The following HDAC9 variants were observed in gnomAD, a reference collection of about 807,000 sequenced individuals.
The protein encoded by HDAC9 is histone deacetylase 9.
HDAC9 carries 41 observed loss-of-function variants against 139.4 expected under a neutral mutation model. The ratio of observed to expected loss-of-function variants is 0.29; its 90% confidence interval spans 0.23 to 0.38. The LOEUF is 0.38. Among genes scored for constraint, HDAC9 ranks in the 10% least tolerant of loss-of-function variants. HDAC9 has a pLI of 1.00. For missense variants in HDAC9, 1,147 were observed against 1,297.0 expected (o/e 0.88, Z 1.78); for synonymous variants, 517 against 476.2 (o/e 1.09, Z -1.12).
chr7:18,829,373 G>T (rs1204352796), intron 18 of HDAC9, 88 bp from the exon 19 acceptor site: 1 of 1,158,256 alleles, frequency 8.6e-7, no homozygotes, highest in East Asian at 2.3e-5. Context: ...AGATCATATA[G>T]CATTTAAAAA....
intron 2 of HDAC9, among the ~76,000 whole-genome samples, chr7:18,548,350 C>G (rs1358913244): frequency 2.0e-5 from 3 of 152,070 alleles, no homozygotes; most frequent in Non-Finnish European, 4.4e-5. Flanking sequence ...TGAACTATTG[C>G]AAGAATTACA....
intron 1 of HDAC9, among the ~76,000 whole-genome samples, chr7:18,107,253 A>G (rs1485886751): frequency 1.3e-5 from 2 of 152,132 alleles, no homozygotes; most frequent in East Asian, 3.9e-4. Flanking sequence ...CTGTCTCTCC[A>G]TCTAGACTGG....
chr7:18,421,954 A>G (rs1412610982), intron 1 of HDAC9, among the ~76,000 whole-genome samples: 2 of 152,140 alleles, frequency 1.3e-5, no homozygotes, highest in Admixed American at 1.3e-4. Context: ...GGGCTTGATC[A>G]TGTTTTTCTG....
intron 1 of HDAC9, among the ~76,000 whole-genome samples, chr7:18,376,897 G>T (rs1020442930): frequency 6.6e-6 from 1 of 152,036 alleles, no homozygotes; most frequent in African/African-American, 2.4e-5. Flanking sequence ...CGTAACTTAG[G>T]TGCTATACCA....
intron 12 of HDAC9, among the ~76,000 whole-genome samples, chr7:18,695,478 T>C (rs182845706): frequency 1.9e-4 from 29 of 152,172 alleles, no homozygotes; most frequent in African/African-American, 6.3e-4. Flanking sequence ...TTTGAAAGAG[T>C]AGAAGGAGTT....
chr7:18,365,490 T>C (rs1366666750), intron 1 of HDAC9, among the ~76,000 whole-genome samples: 6 of 152,150 alleles, frequency 3.9e-5, no homozygotes, highest in Admixed American at 2.6e-4. Flanking sequence ...AATAAAGAAC[T>C]ATAACATGAA....
chr7:18,138,530 GTGTGTGTGT>G (rs1186917639), intron 1 of HDAC9, among the ~76,000 whole-genome samples: 1 of 88,700 alleles, frequency 1.1e-5, no homozygotes, highest in Non-Finnish European at 1.9e-5. Flanking sequence ...AGAGAGAGGT[GTGTGTGTGT>G]GTGTGTGTGT....
intron 2 of HDAC9, among the ~76,000 whole-genome samples, chr7:18,565,392 T>C (rs1259952846): frequency 6.6e-6 from 1 of 152,226 alleles, no homozygotes; most frequent in East Asian, 1.9e-4. Context: ...AGAATTTCTG[T>C]GAGTAATTTT....
chr7:18,440,759 G>A (rs970972235), intron 1 of HDAC9, among the ~76,000 whole-genome samples: 1 of 152,092 alleles, frequency 6.6e-6, no homozygotes, highest in African/African-American at 2.4e-5. Flanking sequence ...ATTCTAAGAT[G>A]CCATAATCAC....
intron 17 of HDAC9, among the ~76,000 whole-genome samples, chr7:18,803,713 T>C (rs908359458): frequency 1.3e-5 from 2 of 152,158 alleles, no homozygotes; most frequent in African/African-American, 2.4e-5. Flanking sequence ...TGTCTTCTTT[T>C]TGGATTTGTT....
At chr7:18,146,793 C>T (rs1584320268) in intron 1 of HDAC9, among the ~76,000 whole-genome samples, 1 of 152,182 alleles carries the variant, frequency 6.6e-6, no homozygotes, top group South Asian at 2.1e-4. Context: ...GAAAAGCATT[C>T]AAATCAGAAA....
intron 12 of HDAC9, among the ~76,000 whole-genome samples, chr7:18,712,529 G>A (rs1018458199): frequency 6.6e-6 from 1 of 152,168 alleles, no homozygotes; most frequent in Non-Finnish European, 1.5e-5. Context: ...AACAAGCTTA[G>A]TTAACATCTA....
At chr7:18,438,092 T>G (rs1791386483) in intron 1 of HDAC9, among the ~76,000 whole-genome samples, 1 of 150,230 alleles carries the variant, frequency 6.7e-6, no homozygotes, top group African/African-American at 2.4e-5. Flanking sequence ...ATAATAAATT[T>G]ATTAGTTGGC....
chr7:18,185,650 C>G lies in HDAC9; in HGVS notation c.25+23301C>G, dbSNP rs1789850486. Among the ~76,000 whole-genome samples, 5 of 152,108 alleles carry G rather than the reference C, an allele frequency of 3.3e-5. No individual in the cohort carries two copies. In the South Asian group the frequency reaches 1.0e-3, roughly 31 times the overall value. On this transcript the variant is annotated intron_variant, in intron 2 of 12. Coordinates refer to the HDAC9 transcript ENST00000417496. ...TTTTTTCTCTTTGTATTTAAACTCA[C>G]TTATCTTCTTATATTCAAGATTATT...
intron 3 of HDAC9, among the ~76,000 whole-genome samples, chr7:18,588,537 A>C (rs1219160687): frequency 6.6e-6 from 1 of 152,162 alleles, no homozygotes; most frequent in East Asian, 1.9e-4. Flanking sequence ...GCTTCAAACA[A>C]AGTTTGGGTA....
chr7:18,744,969 A>G (rs975676228), intron 13 of HDAC9, among the ~76,000 whole-genome samples: 1 of 152,216 alleles, frequency 6.6e-6, no homozygotes, highest in African/African-American at 2.4e-5. Context: ...TGTATTTTTC[A>G]AATTCTAATT....
intron 1 of HDAC9, among the ~76,000 whole-genome samples, chr7:18,432,231 T>C (rs60361343): frequency 0.035 from 5,404 of 152,308 alleles, 133 homozygotes; most frequent in African/African-American, 0.07. Flanking sequence ...TCTGAACTGA[T>C]TGGGAAGCTC....
intron 2 of HDAC9, among the ~76,000 whole-genome samples, chr7:18,179,541 CTT>C (rs1326483117): frequency 6.6e-6 from 1 of 152,134 alleles, no homozygotes; most frequent in Non-Finnish European, 1.5e-5. Flanking sequence ...TTCTACCTCT[CTT>C]ATATTTCTTT....
chr7:18,667,848 A>G (rs750626047), intron 12 of HDAC9: 236 of 984,024 alleles, frequency 2.4e-4, no homozygotes, highest in Admixed American at 3.1e-4. Context: ...CCCTTTTGAT[A>G]TGTTTACCTT....
Sources: gnomAD v4.1 joint callset for allele counts (sites outside exome capture counted in the v4.1 genomes callset) on GRCh38, gnomAD v4.1.1 for gene constraint, MANE v1.5 for transcripts, NCBI Gene and HGNC (gene_info 2026-07-23, HGNC 2026-07-21) for gene names.